Variants in CELF2 observed in about 807,000 individuals in gnomAD.
The protein encoded by CELF2 is CUGBP Elav-like family member 2.
Under a neutral mutation model 62.6 loss-of-function variants are expected in CELF2, and 8 were observed. The observed-to-expected ratio is 0.13, with a 90% CI of 0.07 to 0.23. CELF2 has a LOEUF of 0.23. Ranked by LOEUF, CELF2 falls within the 10% of genes least tolerant of loss-of-function variation. The pLI, the probability that CELF2 is intolerant of heterozygous loss-of-function variation, is 1.00. For synonymous variants in CELF2, 258 were observed against 250.0 expected (o/e 1.03, Z -0.30); for missense variants, 333 against 671.0 (o/e 0.50, Z 5.56).
intron 1 of CELF2, among the ~76,000 whole-genome samples, chr10:11,128,815 G>T (rs533061700): frequency 6.6e-6 from 1 of 151,990 alleles, no homozygotes; most frequent in Non-Finnish European, 1.5e-5. Context: ...CAATCATGTC[G>T]TCTGCAAACA....
At chr10:10,486,537 A>G in the CELF2 span, among the ~76,000 whole-genome samples, 367 of 152,188 alleles carry the variant, frequency 2.4e-3, 4 homozygotes, top group African/African-American at 8.3e-3. Context: ...TTGGGACCCA[A>G]TGTGTTTCAG....
At chr10:10,682,969 C>A in the CELF2 span, among the ~76,000 whole-genome samples, 1 of 152,178 alleles carries the variant, frequency 6.6e-6, no homozygotes, top group Non-Finnish European at 1.5e-5. Flanking sequence ...CATGGACCAG[C>A]AAGCCCCCAG....
Position 11,211,030 on chromosome 10 carries a change from G to A in CELF2, c.272-6395G>A, listed in dbSNP as rs1034589514. On this transcript the variant is annotated intron_variant, in intron 2 of 12. Transcript: ENST00000633077. This position sits in a 1 kb window ranked among gnomAD's most constrained non-coding sequence, Gnocchi z 4.8. ...TCAGTGGCTCATGCCTGTAATCGTA[G>A]CACTTTGGGAGGCCAAGGCAGGAGG... Among the ~76,000 whole-genome samples the A allele has an allele frequency of 6.0e-4, 91 of 152,314 alleles. No homozygotes were observed. The highest frequency in any genetic ancestry group is 2.1e-3 in the African/African-American group (86 of 41,568).
the CELF2 span, among the ~76,000 whole-genome samples, chr10:10,722,050 C>A: frequency 1.3e-5 from 2 of 152,252 alleles, no homozygotes; most frequent in East Asian, 3.9e-4. Context: ...TGCCTGTAAT[C>A]CCAGCACTTT....
intron 1 of CELF2, among the ~76,000 whole-genome samples, chr10:11,044,950 A>G (rs981316482): frequency 1.3e-5 from 2 of 152,242 alleles, no homozygotes; most frequent in Non-Finnish European, 2.9e-5. Flanking sequence ...CTGGAATTCC[A>G]GATTGTTCAA....
At chr10:11,053,647 C>T (rs867334388) in intron 1 of CELF2, among the ~76,000 whole-genome samples, 1 of 132,556 alleles carries the variant, frequency 7.5e-6, no homozygotes, top group Admixed American at 8.5e-5. Context: ...CAGAGTCTTG[C>T]TCTGTTGCCC....
rs2056356260 is a variant in CELF2 at position 11,010,912 on chromosome 10, A to G, written c.53+5472A>G. The G allele has an allele frequency of 6.6e-6, 1 of 152,244 alleles. No individual in the cohort carries two copies. Among genetic ancestry groups the G allele is most frequent in the Admixed American group, 6.5e-5 (1 of 15,282 alleles). 9.4% of individuals were successfully genotyped at this position (152,244 alleles called of 1,614,324 possible). A position where few individuals can be genotyped will look rare whatever the true frequency, so the allele number is the denominator to read the frequency against. ...TACAGCTCTTTTAAACTTACCTTGC[A>G]GTGCCAATTTTGGGAAGGGCATAGG... On this transcript the variant is annotated intron_variant, in intron 1 of 12. Transcript: ENST00000416382. This position sits in a 1 kb window ranked among gnomAD's most constrained non-coding sequence, Gnocchi z 4.1.
intron 1 of CELF2, among the ~76,000 whole-genome samples, chr10:10,888,826 C>T (rs762865533): frequency 6.6e-6 from 1 of 152,176 alleles, no homozygotes; most frequent in African/African-American, 2.4e-5. Context: ...CCTTTCAGCA[C>T]GTTGTACATA....
At chr10:11,294,932 T>C (rs1287560289) in intron 9 of CELF2, among the ~76,000 whole-genome samples, 3 of 152,160 alleles carry the variant, frequency 2.0e-5, no homozygotes, top group Non-Finnish European at 4.4e-5. Flanking sequence ...AACAAATCTG[T>C]CAAACGTCTT....
At chr10:10,463,050 C>G in the CELF2 span, among the ~76,000 whole-genome samples, 1 of 152,084 alleles carries the variant, frequency 6.6e-6, no homozygotes, top group East Asian at 1.9e-4. Context: ...TTTAAGGAAT[C>G]CTAATTGTCT....
chr10:11,286,421 A>G (rs1305897431), intron 8 of CELF2, among the ~76,000 whole-genome samples: 1 of 152,266 alleles, frequency 6.6e-6, no homozygotes, highest in African/African-American at 2.4e-5. Flanking sequence ...GGAAGCACAC[A>G]TCATGAGAGA....
At chr10:10,695,619 T>C in the CELF2 span, among the ~76,000 whole-genome samples, 3 of 152,038 alleles carry the variant, frequency 2.0e-5, no homozygotes, top group Admixed American at 2.0e-4. Context: ...CTTGGTTCCA[T>C]TCTCCCAATC....
chr10:10,738,885 A>T, the CELF2 span, among the ~76,000 whole-genome samples: 1 of 152,194 alleles, frequency 6.6e-6, no homozygotes, highest in South Asian at 2.1e-4. Flanking sequence ...AGTTAATAAT[A>T]ATGTATCAAC....
intron 4 of CELF2, among the ~76,000 whole-genome samples, chr10:11,253,004 A>T (rs911399670): frequency 6.6e-6 from 1 of 152,154 alleles, no homozygotes; most frequent in Non-Finnish European, 1.5e-5. Flanking sequence ...CCAGCTTTTA[A>T]TCCTCTATTG....
At chr10:10,651,232 T>A in the CELF2 span, among the ~76,000 whole-genome samples, 1 of 129,836 alleles carries the variant, frequency 7.7e-6, no homozygotes, top group Non-Finnish European at 1.7e-5. Context: ...GCCCACAGAA[T>A]CTCGCTGATT....
At position 11,318,785 on chromosome 10, in the gene CELF2, A is replaced by C. The variant is rs2095240240; in HGVS notation, c.1097-2404A>C. On this transcript the variant is annotated intron_variant, in intron 10 of 12. Transcript: ENST00000633077. The surrounding 1 kb of genome is among the most constrained non-coding windows in gnomAD (Gnocchi z 5.4). ...AAAAACAGCTGTGTACAGAGAAGGG[A>C]GTTGGGTCCCAGTGACCACTGCCAT... 1 of 471,310 alleles carries C rather than the reference A, an allele frequency of 2.1e-6. No homozygotes were observed. The highest frequency in any genetic ancestry group is 1.5e-5 in the South Asian group (1 of 64,558). The allele number at this position is 471,310 out of a possible 1,614,324, so 29.2% of individuals were successfully genotyped here. A position where few individuals can be genotyped will look rare whatever the true frequency, so the allele number is the denominator to read the frequency against.
the CELF2 span, among the ~76,000 whole-genome samples, chr10:10,739,263 A>C: frequency 6.6e-6 from 1 of 152,202 alleles, no homozygotes; most frequent in African/African-American, 2.4e-5. Context: ...TAAGGTTTTT[A>C]TGCTTATTTT....
chr10:10,801,882 T>C (rs1442545845), intron 1 of CELF2, among the ~76,000 whole-genome samples: 1 of 152,184 alleles, frequency 6.6e-6, no homozygotes, highest in Non-Finnish European at 1.5e-5. Context: ...GTTATAAGCC[T>C]TTCTCAAGAA....
chr10:10,958,360 G>C (rs187873601), intron 2 of CELF2, among the ~76,000 whole-genome samples: 8 of 152,138 alleles, frequency 5.3e-5, no homozygotes, highest in Non-Finnish European at 1.2e-4. Context: ...TAGAACAAAC[G>C]GTGGAGTCAG....
Sources: gnomAD v4.1 joint callset for allele counts (sites outside exome capture counted in the v4.1 genomes callset) on GRCh38, gnomAD v4.1.1 for gene constraint, Gnocchi (gnomAD v3.1) non-coding constraint, MANE v1.5 for transcripts, NCBI Gene and HGNC (gene_info 2026-07-23, HGNC 2026-07-21) for gene names.